The following NECTIN3 variants were observed in gnomAD, a reference collection of about 807,000 sequenced individuals.
NECTIN3 encodes the protein nectin-3.
A neutral mutation model predicts 49.4 loss-of-function variants in NECTIN3; 8 were observed. The ratio of observed to expected loss-of-function variants is 0.16; its 90% CI spans 0.10 to 0.29. The LOEUF (loss-of-function observed/expected upper bound fraction) is 0.29. Among genes scored for constraint, NECTIN3 ranks in the 10% least tolerant of loss-of-function variants. NECTIN3 has a pLI of 1.00. For missense variants in NECTIN3, 581 were observed against 654.6 expected, an observed-to-expected ratio of 0.89 and a Z score of 1.23; for synonymous variants, 277 against 241.1, an observed-to-expected ratio of 1.15 and a Z score of -1.38.
rs1301174417 is a variant in NECTIN3 at position 111,135,232 on chromosome 3, C to T, written c.*1017C>T. ...TACAGAAAGAAAATTTTAGAGTAAA[C>T]TTGGAACTTTGGATATAACTAGAAA... On this transcript the variant is annotated 3_prime_UTR_variant, in exon 6 of 6. Coordinates refer to ENST00000485303, the MANE Select transcript of NECTIN3 (RefSeq NM_015480.3). The T allele has an allele frequency of 1.0e-6, 1 of 971,394 alleles. No homozygotes were observed. The highest frequency in any genetic ancestry group is 1.2e-4 in the East Asian group (1 of 8,694). 60.2% of individuals were successfully genotyped at this position (971,394 alleles called of 1,614,324 possible).
intron 2 of NECTIN3, among the ~76,000 whole-genome samples, 156 bp from the exon 3 acceptor site, chr3:111,118,500 A>G (rs1179264897): frequency 6.6e-6 from 1 of 151,726 alleles, no homozygotes; most frequent in African/African-American, 2.4e-5. Context: ...TTGTTTTTCC[A>G]AGAATGTAAT....
At chr3:111,187,042 C>T (rs1236168133) in intron 7 of NECTIN3, among the ~76,000 whole-genome samples, 1 of 152,090 alleles carries the variant, frequency 6.6e-6, no homozygotes, top group East Asian at 1.9e-4. Flanking sequence ...CTGTTGAGGA[C>T]ATGGAGCAGC....
chr3:111,082,514 A>G (rs2031679133), intron 1 of NECTIN3, among the ~76,000 whole-genome samples: 1 of 152,160 alleles, frequency 6.6e-6, no homozygotes. Flanking sequence ...GTTCAAGGAA[A>G]AATCTTAGTT....
chr3:111,116,404 C>T (rs1015978601), intron 2 of NECTIN3, among the ~76,000 whole-genome samples: 12 of 152,104 alleles, frequency 7.9e-5, no homozygotes, highest in African/African-American at 2.9e-4. Flanking sequence ...GGAATTAATT[C>T]ATTACTTACA....
rs1363061913 is a variant in NECTIN3, at chr3:111,136,004, T to C, written c.*1789T>C. 3.1e-6 allele frequency: 3 copies of C among 966,332 alleles called. No individual in the cohort carries two copies. Among genetic ancestry groups the C allele is most frequent in the African/African-American group, 1.8e-5 (1 of 56,666 alleles). 59.9% of individuals were successfully genotyped at this position (966,332 alleles called of 1,614,324 possible). A position where few individuals can be genotyped will look rare whatever the true frequency, so the allele number is the denominator to read the frequency against. The stretch of plus-strand genomic sequence containing the variant: ...CACTTATATACAAATATTACAACTT[T>C]TTAGTGCAAGTTTTTGGAAGAAAAC... On this transcript the variant is annotated 3_prime_UTR_variant, in exon 6 of 6. Coordinates refer to ENST00000485303, the MANE Select transcript of NECTIN3 (RefSeq NM_015480.3).
At chr3:111,171,702 A>G (rs775656995) in intron 7 of NECTIN3, among the ~76,000 whole-genome samples, 16 of 149,974 alleles carry the variant, frequency 1.1e-4, no homozygotes, top group Middle Eastern at 3.4e-3. Context: ...TGTGGGTGGG[A>G]CCTCATAAAA....
rs748944813 is a variant in NECTIN3, at chr3:111,118,970, T to G, written c.799+18T>G. 7 of 1,543,784 alleles carry G rather than the reference T, an allele frequency of 4.5e-6. No individual in the cohort carries two copies. The highest frequency in any genetic ancestry group is 6.1e-6 in the Non-Finnish European group (7 of 1,138,958). On this transcript the variant is annotated intron_variant, in intron 3 of 5. Coordinates refer to ENST00000485303, the MANE Select transcript of NECTIN3 (RefSeq NM_015480.3). ...CATACAGTGTAAGTAAATGGTAACA[T>G]TTACTTTTTAAATATTTGTCAGCAT...
At chr3:111,082,217 A>G (rs1406130903) in intron 1 of NECTIN3, among the ~76,000 whole-genome samples, 1 of 152,180 alleles carries the variant, frequency 6.6e-6, no homozygotes, top group Non-Finnish European at 1.5e-5. Flanking sequence ...AAGGTTTCAC[A>G]TGCATTTGTG....
intron 7 of NECTIN3, among the ~76,000 whole-genome samples, chr3:111,170,647 G>A (rs2035417142): frequency 1.3e-5 from 2 of 152,178 alleles, no homozygotes; most frequent in Non-Finnish European, 2.9e-5. Flanking sequence ...GGAAGCATCA[G>A]AGGTAAGGGG....
intron 1 of NECTIN3, among the ~76,000 whole-genome samples, chr3:111,102,371 T>G (rs959014081): frequency 2.6e-5 from 4 of 152,216 alleles, no homozygotes; most frequent in Admixed American, 2.0e-4. Flanking sequence ...TCTATAATCC[T>G]TTCATCCTAC....
chr3:111,139,954 T>C (rs1005439293), downstream of NECTIN3, among the ~76,000 whole-genome samples: 1 of 151,894 alleles, frequency 6.6e-6, no homozygotes, highest in South Asian at 2.1e-4. Flanking sequence ...AGTTAACTTT[T>C]TTATTACTAA....
chr3:111,148,692 T>C (rs1270254614), intron 7 of NECTIN3, among the ~76,000 whole-genome samples: 1 of 152,190 alleles, frequency 6.6e-6, no homozygotes, highest in African/African-American at 2.4e-5. Flanking sequence ...TAGGTATTAA[T>C]AGTTCTGTAA....
At chr3:111,072,523 G>T (rs1258985803) in intron 1 of NECTIN3, 30 of 1,535,954 alleles carry the variant, frequency 2.0e-5, no homozygotes, top group Non-Finnish European at 2.6e-5. Context: ...AGGTTAAGGT[G>T]CCGGGATGCA....
At chr3:111,144,828 T>C in intron 5 of NECTIN3, 1 of 1,453,704 alleles carries the variant, frequency 6.9e-7, no homozygotes, top group Non-Finnish European at 9.2e-7. Context: ...TTGCACATTG[T>C]AGAAAAGGTA....
intron 1 of NECTIN3, among the ~76,000 whole-genome samples, chr3:111,088,349 T>C (rs111423666): frequency 5.9e-5 from 9 of 152,302 alleles, no homozygotes; most frequent in African/African-American, 1.7e-4. Flanking sequence ...TACCCAGACC[T>C]AAACTTTTTC....
Position 111,072,153 on chromosome 3 carries a change from C to G in NECTIN3, c.136C>G (p.Leu46Val). 17 of 1,553,126 alleles carry G rather than the reference C, an allele frequency of 1.1e-5. No individual in the cohort carries two copies. Among genetic ancestry groups the G allele is most frequent in the East Asian group, 2.4e-5 (1 of 41,218 alleles). ...TCCGCTGCTGCTGCTGCTCTTCCCG[C>G]TGCTGCTCTTCTCCAGGCTCTGTGG... is the stretch of plus-strand genomic sequence containing the variant. The part of the protein sequence containing the change: ...PPPLLLLLFP[L>V]LLFSRLCGAL... The change falls in exon 1 of 6, where the codon CTG becomes GTG. Residue 46 changes from leucine to valine, a missense_variant. Physicochemically the swap from Leu to Val is conservative, Grantham distance 32. Transcript: ENST00000485303.
intron 1 of NECTIN3, among the ~76,000 whole-genome samples, chr3:111,101,088 A>G (rs1236615452): frequency 1.3e-5 from 2 of 152,058 alleles, no homozygotes; most frequent in African/African-American, 4.8e-5. Context: ...GCAGATCACT[A>G]CCTCTATAAA....
intron 1 of NECTIN3, among the ~76,000 whole-genome samples, chr3:111,082,247 C>T (rs1341344175): frequency 6.6e-6 from 1 of 151,970 alleles, no homozygotes; most frequent in Non-Finnish European, 1.5e-5. Context: ...TGAGCTGTAG[C>T]TGGAAATTTG....
In NECTIN3 at chr3:111,078,151, T is replaced by C. The variant is rs575068256; in HGVS notation, c.160+5974T>C. Among the ~76,000 whole-genome samples the C allele has an allele frequency of 2.2e-3, 339 of 152,320 alleles. 1 individual carries two copies. Among genetic ancestry groups the C allele is most frequent in the African/African-American group, 6.7e-3 (280 of 41,574 alleles). On this transcript the variant is annotated intron_variant, in intron 1 of 5. Transcript: ENST00000485303. Reference sequence around the variant, plus strand: ...ATTCAAGTGTGATGTTCCTGGTGGCTACCAGTTTGGATAGTTCAAGTCTGA... The same window carrying C: ...ATTCAAGTGTGATGTTCCTGGTGGCCACCAGTTTGGATAGTTCAAGTCTGA...
Sources: gnomAD v4.1 joint callset for allele counts (sites outside exome capture counted in the v4.1 genomes callset) on GRCh38, gnomAD v4.1.1 for gene constraint, MANE v1.5 for transcripts, NCBI Gene and HGNC (gene_info 2026-07-23, HGNC 2026-07-21) for gene names.